ARHGAP15: variants seen among roughly 807,000 people sequenced by gnomAD.
ARHGAP15 encodes the protein Rho GTPase activating protein 15.
In ARHGAP15, 51 loss-of-function variants were observed where a neutral mutation model predicts 63.7. That is an observed-to-expected ratio of 0.80 (90% CI 0.64 to 1.01). The LOEUF (loss-of-function observed/expected upper bound fraction) is 1.01. Among genes scored for constraint, ARHGAP15 ranks in the 50% least tolerant of loss-of-function variants. The pLI, the probability that ARHGAP15 is intolerant of heterozygous loss-of-function variation, is 0.00. For missense variants in ARHGAP15, 560 were observed against 564.6 expected (o/e 0.99, Z 0.08); for synonymous variants, 191 against 193.8 (o/e 0.99, Z 0.12).
At chr2:143,652,095 A>G (rs1176783859) in intron 12 of ARHGAP15, among the ~76,000 whole-genome samples, 2 of 152,016 alleles carry the variant, frequency 1.3e-5, no homozygotes, top group Admixed American at 6.6e-5. Flanking sequence ...TGCCAGAACC[A>G]CACTTCTTTA....
At chr2:143,211,334 TA>T (rs1212387148) in intron 3 of ARHGAP15, among the ~76,000 whole-genome samples, 1 of 112,258 alleles carries the variant, frequency 8.9e-6, no homozygotes, top group Non-Finnish European at 1.7e-5. Flanking sequence ...AGTGGAGAAG[TA>T]AAAAATGGCG....
intron 13 of ARHGAP15, among the ~76,000 whole-genome samples, chr2:143,705,764 G>T (rs1684300671): frequency 6.6e-6 from 1 of 151,722 alleles, no homozygotes; most frequent in East Asian, 1.9e-4. Context: ...ATAAAATAAA[G>T]AAACTAAGAG....
chr2:143,323,441 T>C (rs554789700), intron 6 of ARHGAP15, among the ~76,000 whole-genome samples: 1 of 152,176 alleles, frequency 6.6e-6, no homozygotes, highest in African/African-American at 2.4e-5. Flanking sequence ...GGGAATTGAC[T>C]TGGACTTGAT....
chr2:143,252,095 A>G (rs1418756801), intron 6 of ARHGAP15, among the ~76,000 whole-genome samples: 1 of 152,060 alleles, frequency 6.6e-6, no homozygotes, highest in Admixed American at 6.6e-5. Context: ...TTTGTCATAG[A>G]CATTATTCTT....
chr2:143,309,139 G>A (rs764426794), intron 6 of ARHGAP15, among the ~76,000 whole-genome samples: 1 of 152,090 alleles, frequency 6.6e-6, no homozygotes, highest in Non-Finnish European at 1.5e-5. Context: ...AAGGAGATTT[G>A]TTCAGCTAAT....
At chr2:143,157,494 A>G (rs1690127821) in intron 2 of ARHGAP15, among the ~76,000 whole-genome samples, 1 of 151,804 alleles carries the variant, frequency 6.6e-6, no homozygotes, top group Non-Finnish European at 1.5e-5. Context: ...AATTAGCTAT[A>G]ATTATCCCAG....
intron 6 of ARHGAP15, among the ~76,000 whole-genome samples, chr2:143,284,216 G>A (rs1681986645): frequency 6.6e-6 from 1 of 152,182 alleles, no homozygotes; most frequent in Non-Finnish European, 1.5e-5. Context: ...TTAACATACA[G>A]AAGTGCAGTG....
intron 5 of ARHGAP15, among the ~76,000 whole-genome samples, chr2:143,246,985 C>T (rs1694065887): frequency 6.6e-6 from 1 of 152,150 alleles, no homozygotes; most frequent in African/African-American, 2.4e-5. Context: ...TGGAATTTGC[C>T]TTAGGAGGCT....
rs138807474 is a variant in ARHGAP15 at position 143,359,123 on chromosome 2, T to G, written c.475-76478T>G. ...ATTATGTTTGGTGCTACACCACAAT[T>G]TTTTAAAATGTTTTTCTATTAAGTG... On this transcript the variant is annotated intron_variant, in intron 6 of 13. Coordinates refer to ENST00000295095, the MANE Select transcript of ARHGAP15 (RefSeq NM_018460.4). Among the ~76,000 whole-genome samples, 137 of 152,278 alleles carry G rather than the reference T, an allele frequency of 9.0e-4. 1 individual carries two copies. The Middle Eastern group carries it at 0.021, about 23-fold the overall frequency.
chr2:143,655,264 C>T (rs1559105859), intron 12 of ARHGAP15, among the ~76,000 whole-genome samples: 1 of 152,032 alleles, frequency 6.6e-6, no homozygotes, highest in South Asian at 2.1e-4. Context: ...CCTCGACCCC[C>T]TCCCACTCTT....
chr2:143,571,062 C>G (rs991049579), intron 11 of ARHGAP15, among the ~76,000 whole-genome samples: 4 of 152,156 alleles, frequency 2.6e-5, no homozygotes, highest in Non-Finnish European at 5.9e-5. Context: ...AGTACAAACC[C>G]TATTGCAAAC....
At chr2:143,632,238 C>T (rs1448654516) in intron 12 of ARHGAP15, among the ~76,000 whole-genome samples, 1 of 152,026 alleles carries the variant, frequency 6.6e-6, no homozygotes, top group Non-Finnish European at 1.5e-5. Flanking sequence ...TCAATGCTAA[C>T]TCCGTGATCA....
intron 1 of ARHGAP15, among the ~76,000 whole-genome samples, chr2:143,151,831 A>T (rs2581261): frequency 6.6e-6 from 1 of 150,932 alleles, no homozygotes. Context: ...GCCCTGTCTA[A>T]TTGGAATGAG....
chr2:143,438,314 G>A (rs371121698), intron 8 of ARHGAP15, among the ~76,000 whole-genome samples: 4 of 151,990 alleles, frequency 2.6e-5, no homozygotes, highest in Admixed American at 6.6e-5. Flanking sequence ...TTATTTGTAC[G>A]TGTACATATA....
chr2:143,360,353 C>A (rs562148467), intron 6 of ARHGAP15, among the ~76,000 whole-genome samples: 5 of 151,980 alleles, frequency 3.3e-5, no homozygotes, highest in African/African-American at 1.2e-4. Flanking sequence ...CCACTGCAAT[C>A]GCGCCTGGGT....
At chr2:143,544,174 C>T (rs1178868951) in intron 10 of ARHGAP15, among the ~76,000 whole-genome samples, 1 of 152,092 alleles carries the variant, frequency 6.6e-6, no homozygotes. Context: ...GATGTGATTT[C>T]CCCAATAAGA....
At chr2:143,658,490 T>TATCAAGTACTGTGTCAA (rs1681576706) in intron 12 of ARHGAP15, among the ~76,000 whole-genome samples, 1 of 152,152 alleles carries the variant, frequency 6.6e-6, no homozygotes, top group Non-Finnish European at 1.5e-5. Flanking sequence ...TTGGATAGGG[T>TATCAAGTACTGTGTCAA]TTAGCTGTAA....
At chr2:143,626,650 T>A (rs1335406701) in intron 12 of ARHGAP15, among the ~76,000 whole-genome samples, 1 of 152,136 alleles carries the variant, frequency 6.6e-6, no homozygotes, top group African/African-American at 2.4e-5. Context: ...AATGCCCTTT[T>A]TTCAATCCTC....
At chr2:143,475,671 C>T (rs1203128026) in intron 8 of ARHGAP15, among the ~76,000 whole-genome samples, 2 of 152,206 alleles carry the variant, frequency 1.3e-5, no homozygotes, top group Non-Finnish European at 2.9e-5. Flanking sequence ...GGTAAGAAGG[C>T]CATGGCAAAG....
Sources: allele counts gnomAD v4.1 joint callset (sites outside exome capture counted in the v4.1 genomes callset), GRCh38; gene constraint gnomAD v4.1.1; transcripts MANE v1.5; gene names NCBI Gene and HGNC (gene_info 2026-07-23, HGNC 2026-07-21).